The following CHID1 variants were observed in gnomAD, a reference collection of about 807,000 sequenced individuals.
CHID1 encodes the protein chitinase domain containing 1.
In CHID1, 44 loss-of-function variants were observed where a neutral mutation model predicts 55.4. The ratio of observed to expected loss-of-function variants is 0.79; its 90% CI spans 0.62 to 1.02. The LOEUF (loss-of-function observed/expected upper bound fraction) is 1.02, where lower values mean the gene tolerates loss of function less well. Among genes scored for constraint, CHID1 ranks in the 50% least tolerant of loss-of-function variants. The pLI, the probability that CHID1 is intolerant of heterozygous loss-of-function variation, is 0.00. For synonymous variants in CHID1, 216 were observed against 212.9 expected (o/e 1.01, Z -0.13); for missense variants, 491 against 515.3 (o/e 0.95, Z 0.46).
At chr11:878,869 C>T (rs557444024) in intron 10 of CHID1, among the ~76,000 whole-genome samples, 7 of 151,338 alleles carry the variant, frequency 4.6e-5, no homozygotes, top group South Asian at 4.2e-4. Flanking sequence ...TTTTTTGAGA[C>T]GGAGTCTCAC....
At chr11:902,040 CACT>C in intron 4 of CHID1, 155 bp downstream of exon 4, 1 of 163,108 alleles carries the variant, frequency 6.1e-6, no homozygotes, top group Non-Finnish European at 8.8e-6. Context: ...CACACTTACA[CACT>C]CACATTCACA....
At chr11:895,975 C>T (rs1435462571) in intron 7 of CHID1, among the ~76,000 whole-genome samples, 4 of 152,058 alleles carry the variant, frequency 2.6e-5, no homozygotes, top group African/African-American at 9.7e-5. Flanking sequence ...ACCGTCCTCC[C>T]CTGCAGTGGC....
At chr11:896,667 C>T (rs1415521390) in intron 7 of CHID1, among the ~76,000 whole-genome samples, 1 of 133,494 alleles carries the variant, frequency 7.5e-6, no homozygotes, top group Admixed American at 7.1e-5. Flanking sequence ...TGTCTCAGGG[C>T]CCCCAGCCTC....
chr11:876,961 C>G (rs1849560868), intron 10 of CHID1, among the ~76,000 whole-genome samples: 1 of 152,156 alleles, frequency 6.6e-6, no homozygotes, highest in Non-Finnish European at 1.5e-5. Context: ...CAGGCTGGAG[C>G]CTGCCAGGTG....
intron 10 of CHID1, among the ~76,000 whole-genome samples, chr11:877,124 C>G (rs1849572391): frequency 6.6e-6 from 1 of 152,216 alleles, no homozygotes; most frequent in Non-Finnish European, 1.5e-5. Flanking sequence ...CAGACCCCAA[C>G]TTGTGCAAAG....
At chr11:914,544 A>G (rs1041883642), upstream of CHID1, 11 of 1,289,274 alleles carry the variant, frequency 8.5e-6, no homozygotes, top group Admixed American at 2.1e-4. Context: ...CTGGGTCCCC[A>G]GCCTGAGGAT....
intron 10 of CHID1, among the ~76,000 whole-genome samples, chr11:880,014 G>C (rs112770422): frequency 2.2e-4 from 34 of 152,378 alleles, no homozygotes; most frequent in Admixed American, 8.5e-4. Context: ...CAGGAGCACA[G>C]AGCAGCCCCA....
Position 869,484 on chromosome 11 carries a change from G to T in CHID1, c.*374C>A, listed in dbSNP as rs1307338932. The T allele has an allele frequency of 2.1e-5, 6 of 291,450 alleles. No individual in the cohort carries two copies. Among genetic ancestry groups the T allele is most frequent in the Admixed American group, 9.5e-5 (2 of 21,104 alleles). The allele number at this position is 291,450 out of a possible 1,614,324, so 18.1% of individuals were successfully genotyped here. A position where few individuals can be genotyped will look rare whatever the true frequency, so the allele number is the denominator to read the frequency against. Reference sequence around the variant, plus strand: ...GCGAGGGCCCTCGAATCCAGGAGTGGGCGAGTCCGGGATGGTTCCAGAGCT... The same window carrying T: ...GCGAGGGCCCTCGAATCCAGGAGTGTGCGAGTCCGGGATGGTTCCAGAGCT... On this transcript the variant is annotated 3_prime_UTR_variant, in exon 13 of 13. Coordinates refer to ENST00000323578, the MANE Select transcript of CHID1 (RefSeq NM_023947.4).
intron 10 of CHID1, among the ~76,000 whole-genome samples, chr11:882,805 G>C (rs571958863): frequency 2.0e-5 from 3 of 152,192 alleles, no homozygotes; most frequent in African/African-American, 7.2e-5. Flanking sequence ...AATTACTCCC[G>C]GGCAGAGGAG....
At chr11:914,507 A>G (rs1852845289), upstream of CHID1, 1 of 1,288,024 alleles carries the variant, frequency 7.8e-7, no homozygotes, top group Non-Finnish European at 1.0e-6. Flanking sequence ...CTGCTTTAGG[A>G]GACCCCATGC....
At chr11:907,961 G>A (rs1852360607) in intron 1 of CHID1, among the ~76,000 whole-genome samples, 1 of 152,208 alleles carries the variant, frequency 6.6e-6, no homozygotes, top group Non-Finnish European at 1.5e-5. Context: ...CTTCTGCAGA[G>A]GCACACGCTG....
chr11:908,633 T>C (rs1852409895), intron 1 of CHID1: 2 of 985,174 alleles, frequency 2.0e-6, no homozygotes, highest in Non-Finnish European at 2.4e-6. Flanking sequence ...TTCTCTGTCT[T>C]CTGGGTGGAA....
At chr11:902,904 C>T in intron 3 of CHID1, 58 bp downstream of exon 3, 1 of 1,555,338 alleles carries the variant, frequency 6.4e-7, no homozygotes, top group South Asian at 1.1e-5. Flanking sequence ...ATCACGGGGC[C>T]AGGGCAGCCC....
intron 7 of CHID1, among the ~76,000 whole-genome samples, chr11:895,759 A>T (rs2134265648): frequency 6.6e-6 from 1 of 152,244 alleles, no homozygotes; most frequent in Admixed American, 6.5e-5. Flanking sequence ...TGGGGTCCCA[A>T]GTGGTGGTCA....
chr11:892,885 T>C (rs898850495), intron 8 of CHID1, among the ~76,000 whole-genome samples: 9 of 152,216 alleles, frequency 5.9e-5, no homozygotes, highest in Admixed American at 1.3e-4. Flanking sequence ...GGCACAGGCA[T>C]GTGCAGGGTG....
intron 7 of CHID1, among the ~76,000 whole-genome samples, chr11:896,837 A>C (rs1320937093): frequency 3.0e-4 from 29 of 96,564 alleles, no homozygotes; most frequent in East Asian, 6.7e-4. Flanking sequence ...AGCCTCCACC[A>C]CAGAAACTAA....
At chr11:910,019 A>C (rs1176724758) in intron 1 of CHID1, among the ~76,000 whole-genome samples, 5 of 151,870 alleles carry the variant, frequency 3.3e-5, no homozygotes, top group Non-Finnish European at 7.4e-5. Context: ...AGATCGCGCC[A>C]CTGCACTCCA....
intron 1 of CHID1, among the ~76,000 whole-genome samples, chr11:906,901 G>C (rs569167251): frequency 5.3e-4 from 81 of 152,286 alleles, no homozygotes; most frequent in African/African-American, 1.9e-3. Context: ...GCTGGCGCAT[G>C]CCTGTAATCC....
intron 8 of CHID1, among the ~76,000 whole-genome samples, chr11:891,559 G>A (rs1312670000): frequency 6.6e-6 from 1 of 152,198 alleles, no homozygotes; most frequent in Non-Finnish European, 1.5e-5. Flanking sequence ...GGGCTCCTGA[G>A]CTGGTCCCCA....
Sources: allele counts gnomAD v4.1 joint callset (sites outside exome capture counted in the v4.1 genomes callset), GRCh38; gene constraint gnomAD v4.1.1; transcripts MANE v1.5; gene names NCBI Gene and HGNC (gene_info 2026-07-23, HGNC 2026-07-21).